CCDC30: variants seen among roughly 807,000 people sequenced by gnomAD.
CCDC30 encodes coiled-coil domain containing 30, also known as coiled-coil domain-containing protein 30.
Under a neutral mutation model 100.2 loss-of-function variants are expected in CCDC30, and 70 were observed. The observed-to-expected ratio is 0.70, with a 90% CI of 0.58 to 0.85. The LOEUF is 0.85. Ranked by LOEUF, CCDC30 falls within the 40% of genes least tolerant of loss-of-function variation. CCDC30 has a pLI of 0.00. For missense variants in CCDC30, 652 were observed against 771.2 expected (o/e 0.85, Z 1.83); for synonymous variants, 233 against 269.5 (o/e 0.86, Z 1.33).
chr1:42,622,937 G>A (rs963858350), intron 11 of CCDC30, among the ~76,000 whole-genome samples: 3 of 152,142 alleles, frequency 2.0e-5, no homozygotes, highest in Non-Finnish European at 2.9e-5. Context: ...ACTGGGGTGC[G>A]ATGACCTCTC....
exon 7 of CCDC30, chr1:42,566,440 C>A (rs1645608128): frequency 6.2e-7 from 1 of 1,613,666 alleles, no homozygotes; most frequent in Non-Finnish European, 8.5e-7. Context: ...GGACTTAAAG[C>A]AACATAATAG....
At chr1:42,604,249 T>C (rs1253619599) in intron 10 of CCDC30, among the ~76,000 whole-genome samples, 2 of 152,048 alleles carry the variant, frequency 1.3e-5, no homozygotes, top group Non-Finnish European at 2.9e-5. Context: ...CAAAGAATGG[T>C]TTGTTAATTT....
intron 6 of CCDC30, chr1:42,533,840 A>C (rs1644848089): frequency 6.6e-6 from 1 of 152,264 alleles, no homozygotes; most frequent in African/African-American, 2.4e-5. Context: ...CCCACCTTTC[A>C]GAGAGTAGAA....
intron 5 of CCDC30, 22 bp from the exon 6 acceptor site, chr1:42,498,796 G>A: frequency 8.8e-7 from 1 of 1,138,410 alleles, no homozygotes; most frequent in Non-Finnish European, 1.1e-6. Flanking sequence ...AAGTCTACAA[G>A]GTGTTTACTT....
chr1:42,497,608 T>C (rs1338563893), intron 5 of CCDC30, among the ~76,000 whole-genome samples: 1 of 152,226 alleles, frequency 6.6e-6, no homozygotes, highest in Non-Finnish European at 1.5e-5. Context: ...TACTGATTTT[T>C]AAAAATATGT....
intron 11 of CCDC30, among the ~76,000 whole-genome samples, chr1:42,632,079 C>G (rs78127684): frequency 0.16 from 23,906 of 152,094 alleles, 2,105 homozygotes; most frequent in South Asian, 0.31. Flanking sequence ...CTGGGAATGT[C>G]TTGTCACCTG....
chr1:42,625,209 C>T (rs954063127), intron 11 of CCDC30, among the ~76,000 whole-genome samples: 15 of 152,050 alleles, frequency 9.9e-5, no homozygotes, highest in African/African-American at 3.6e-4. Context: ...CTTTGAATTT[C>T]TGTGGTATTA....
At chr1:42,461,521 A>G (rs968755923), upstream of CCDC30, among the ~76,000 whole-genome samples, 2 of 151,252 alleles carry the variant, frequency 1.3e-5, no homozygotes. Context: ...TTTTTCATAG[A>G]GACAAGGTCT....
chr1:42,628,673 T>C (rs1163829357), intron 11 of CCDC30, among the ~76,000 whole-genome samples: 2 of 152,144 alleles, frequency 1.3e-5, no homozygotes, highest in African/African-American at 2.4e-5. Flanking sequence ...TTGCTGCTTT[T>C]GCCTCTTCCC....
chr1:42,488,098 A>G (rs904985338), intron 3 of CCDC30, among the ~76,000 whole-genome samples: 1 of 152,108 alleles, frequency 6.6e-6, no homozygotes, highest in Non-Finnish European at 1.5e-5. Context: ...TATTACCATA[A>G]CTCTGCCCTA....
chr1:42,588,562 A>C (rs1431178734), intron 9 of CCDC30, among the ~76,000 whole-genome samples: 1 of 152,188 alleles, frequency 6.6e-6, no homozygotes, highest in African/African-American at 2.4e-5. Flanking sequence ...ATTAATTCAT[A>C]AATTATTTAC....
chr1:42,483,315 A>C (rs1231711358), intron 3 of CCDC30, among the ~76,000 whole-genome samples: 3 of 152,186 alleles, frequency 2.0e-5, no homozygotes, highest in Non-Finnish European at 2.9e-5. Context: ...TTGTGTTGTC[A>C]GTTTTTGTCT....
intron 6 of CCDC30, chr1:42,536,525 C>G: frequency 6.2e-7 from 1 of 1,612,154 alleles, no homozygotes; most frequent in Non-Finnish European, 8.5e-7. Flanking sequence ...AGTGAGTGGT[C>G]AAAAGAGAGA....
intron 11 of CCDC30, among the ~76,000 whole-genome samples, chr1:42,615,400 C>T (rs542097560): frequency 2.0e-5 from 3 of 152,226 alleles, no homozygotes; most frequent in African/African-American, 7.2e-5. Context: ...CAGGCTCAAG[C>T]AATTCTCCTG....
At chr1:42,507,733 A>G (rs908591650) in intron 6 of CCDC30, among the ~76,000 whole-genome samples, 11 of 146,860 alleles carry the variant, frequency 7.5e-5, no homozygotes, top group Admixed American at 6.9e-4. Flanking sequence ...TACTTTTTCC[A>G]GCATAGTTAG....
At chr1:42,531,900 G>C (rs772437311) in intron 6 of CCDC30, among the ~76,000 whole-genome samples, 2 of 152,146 alleles carry the variant, frequency 1.3e-5, no homozygotes, top group Non-Finnish European at 2.9e-5. Flanking sequence ...AATTCAGAGA[G>C]GGTAGGTATT....
At chr1:42,597,286 T>C (rs886077296) in intron 10 of CCDC30, among the ~76,000 whole-genome samples, 2 of 152,130 alleles carry the variant, frequency 1.3e-5, no homozygotes, top group Non-Finnish European at 2.9e-5. Context: ...CTGAGATTAA[T>C]GACAGACACC....
chr1:42,565,164 T>C (rs975426343), intron 6 of CCDC30, among the ~76,000 whole-genome samples: 1 of 152,098 alleles, frequency 6.6e-6, no homozygotes. Context: ...TGGATGTGAC[T>C]CTAAAAGCAA....
At chr1:42,634,284 A>G (rs1385528403) in intron 11 of CCDC30, among the ~76,000 whole-genome samples, 1 of 151,160 alleles carries the variant, frequency 6.6e-6, no homozygotes, top group Admixed American at 6.6e-5. Context: ...ACAAAACATT[A>G]CAGCCTTCCA....
Sources: gnomAD v4.1 joint callset for allele counts (sites outside exome capture counted in the v4.1 genomes callset) on GRCh38, gnomAD v4.1.1 for gene constraint, MANE v1.5 for transcripts, NCBI Gene and HGNC (gene_info 2026-07-23, HGNC 2026-07-21) for gene names.